The following KDM2B variants were observed in gnomAD, a reference collection of about 807,000 sequenced individuals.
The protein encoded by KDM2B is lysine-specific demethylase 2B.
KDM2B carries 26 observed loss-of-function variants against 150.0 expected under a neutral mutation model. The observed-to-expected ratio is 0.17, with a 90% CI of 0.13 to 0.24. The LOEUF (loss-of-function observed/expected upper bound fraction) is 0.24. Among genes scored for constraint, KDM2B ranks in the 10% least tolerant of loss-of-function variants. KDM2B has a pLI of 1.00. For synonymous variants in KDM2B, 734 were observed against 729.5 expected (o/e 1.01, Z -0.10); for missense variants, 1,265 against 1,816.9 (o/e 0.70, Z 5.52).
chr12:121,479,970 G>C (rs560912066), intron 12 of KDM2B, among the ~76,000 whole-genome samples: 26 of 152,172 alleles, frequency 1.7e-4, no homozygotes, highest in Admixed American at 1.4e-3. Context: ...CCTGCCTAGA[G>C]TGCAATGGTG....
chr12:121,535,104 C>G (rs1169661818), intron 6 of KDM2B, among the ~76,000 whole-genome samples: 1 of 152,016 alleles, frequency 6.6e-6, no homozygotes, highest in African/African-American at 2.4e-5. Flanking sequence ...AGGTCCAGCC[C>G]CGAGCCAGCT....
At chr12:121,460,070 G>A (rs1466562809) in intron 12 of KDM2B, among the ~76,000 whole-genome samples, 1 of 152,178 alleles carries the variant, frequency 6.6e-6, no homozygotes, top group African/African-American at 2.4e-5. Flanking sequence ...ATGAAAAGAT[G>A]CTTAACATCA....
Position 121,534,481 on chromosome 12 carries a change from G to T in KDM2B, c.777+16C>A. On this transcript the variant is annotated intron_variant, in intron 7 of 22. Coordinates refer to ENST00000377071, the MANE Select transcript of KDM2B (RefSeq NM_032590.5). ...AGCTAGAGATGCATAGAAAGTTAAAGGCAACTGAAACTCACCTTCCCACCC... is the reference window on the plus strand; with the variant it reads ...AGCTAGAGATGCATAGAAAGTTAAATGCAACTGAAACTCACCTTCCCACCC... The T allele has an allele frequency of 6.3e-7, 1 of 1,598,694 alleles. No individual in the cohort carries two copies. The highest frequency in any genetic ancestry group is 8.6e-7 in the Non-Finnish European group (1 of 1,166,110).
chr12:121,559,307 C>T (rs1309369769), intron 4 of KDM2B, among the ~76,000 whole-genome samples: 2 of 151,822 alleles, frequency 1.3e-5, no homozygotes, highest in Admixed American at 6.6e-5. Context: ...GAGCAGCTCC[C>T]CAGGTGTCCT....
chr12:121,579,023 T>C (rs782307108), intron 1 of KDM2B, 77 bp from the exon 2 acceptor site: 2 of 1,484,150 alleles, frequency 1.3e-6, no homozygotes, highest in Admixed American at 1.9e-5. Flanking sequence ...GGCCCAGCAC[T>C]AACAGGTGCA....
At chr12:121,466,333 G>A (rs1446115902) in intron 12 of KDM2B, among the ~76,000 whole-genome samples, 1 of 152,226 alleles carries the variant, frequency 6.6e-6, no homozygotes, top group Non-Finnish European at 1.5e-5. Context: ...ATTATACTTC[G>A]TAAAACCTCA....
At chr12:121,434,989 T>TA (rs1873736918) in intron 22 of KDM2B, among the ~76,000 whole-genome samples, 1 of 147,528 alleles carries the variant, frequency 6.8e-6, no homozygotes, top group South Asian at 2.1e-4. Flanking sequence ...TTCATGACAT[T>TA]AGACTTTGCA....
intron 12 of KDM2B, among the ~76,000 whole-genome samples, chr12:121,474,942 C>G (rs75480022): frequency 0.017 from 2,660 of 152,120 alleles, 57 homozygotes; most frequent in East Asian, 0.13. Context: ...GGAGACAGAG[C>G]GAGACTCTGT....
At chr12:121,509,483 G>T (rs529606880) in intron 11 of KDM2B, 84 bp downstream of exon 11, 1 of 1,546,230 alleles carries the variant, frequency 6.5e-7, no homozygotes, top group East Asian at 2.3e-5. Context: ...CAGAGCCATC[G>T]TGAGCTGAGC....
intron 8 of KDM2B, among the ~76,000 whole-genome samples, chr12:121,522,146 CTTGT>C (rs1319326198): frequency 6.6e-6 from 1 of 151,972 alleles, no homozygotes; most frequent in African/African-American, 2.4e-5. Flanking sequence ...GAGGGCCCAC[CTTGT>C]GCCAGGCACA....
the KDM2B span, among the ~76,000 whole-genome samples, chr12:121,413,509 T>A: frequency 6.7e-6 from 1 of 149,782 alleles, no homozygotes; most frequent in Non-Finnish European, 1.5e-5. Context: ...CCTCCTGGGT[T>A]CAAGCGATTC....
In KDM2B at chr12:121,442,603, C is replaced by G. The variant is rs557677821; in HGVS notation, c.2838G>C (p.Leu946=). Residue 946 remains leucine, a synonymous_variant, in exon 19 of 23, where the codon CTG becomes CTC. Coordinates refer to ENST00000377071, the MANE Select transcript of KDM2B (RefSeq NM_032590.5). The surrounding 1 kb of genome is among the most constrained non-coding windows in gnomAD (Gnocchi z 7.7). ...TGAGCTCCTTGCTCAGCTCCCTGCTCAGCTCCTTGTTGGGAAGCCGCCGCT... is the reference window on the plus strand; with the variant it reads ...TGAGCTCCTTGCTCAGCTCCCTGCTGAGCTCCTTGTTGGGAAGCCGCCGCT... ...RRKRRLPNKE[L]SRELSKELNH... The G allele has an allele frequency of 1.2e-6, 2 of 1,602,190 alleles. No homozygotes were observed. The highest frequency in any genetic ancestry group is 1.1e-5 in the South Asian group (1 of 90,988).
chr12:121,512,515 C>G (rs113818722), intron 10 of KDM2B, among the ~76,000 whole-genome samples: 4,938 of 152,038 alleles, frequency 0.032, 264 homozygotes, highest in African/African-American at 0.11. Flanking sequence ...CTTTCTATCC[C>G]CTGGTTAAAA....
In KDM2B at chr12:121,457,219, T is replaced by C. The variant is rs571200812; in HGVS notation, c.1735-3875A>G. Among the ~76,000 whole-genome samples, 6 of 152,356 alleles carry C rather than the reference T, an allele frequency of 3.9e-5. No individual in the cohort carries two copies. The East Asian group carries it at 9.6e-4, about 24-fold the overall frequency. ...CAGCTTTCTCTGTCCTGATATCTTT[T>C]GGGTGCTACCCAAAGTTTCAAACGC... On this transcript the variant is annotated intron_variant, in intron 12 of 22. Coordinates refer to ENST00000377071, the MANE Select transcript of KDM2B (RefSeq NM_032590.5).
At chr12:121,562,251 G>A (rs1383852160) in intron 4 of KDM2B, among the ~76,000 whole-genome samples, 3 of 151,634 alleles carry the variant, frequency 2.0e-5, no homozygotes, top group African/African-American at 7.3e-5. Context: ...GGGAGGCCAA[G>A]GCGAACAGAT....
chr12:121,420,682 C>G, the KDM2B span: 1 of 1,613,938 alleles, frequency 6.2e-7, no homozygotes, highest in Admixed American at 1.7e-5. Flanking sequence ...AATTCTGGCT[C>G]GGAATTTTGT....
At chr12:121,451,637 C>T (rs1027416203) in intron 13 of KDM2B, among the ~76,000 whole-genome samples, 10 of 152,220 alleles carry the variant, frequency 6.6e-5, no homozygotes, top group South Asian at 6.2e-4. Context: ...TTGAGCCAGG[C>T]GTGGTGGCTC....
chr12:121,444,788 G>T, intron 14 of KDM2B: 1 of 559,518 alleles, frequency 1.8e-6, no homozygotes, highest in Admixed American at 3.1e-5. Flanking sequence ...CGTCTCTGTG[G>T]GCTGGTGCCC....
At chr12:121,465,113 A>G (rs185146717) in intron 12 of KDM2B, among the ~76,000 whole-genome samples, 178 of 152,322 alleles carry the variant, frequency 1.2e-3, no homozygotes, top group African/African-American at 4.1e-3. Context: ...AAAGTTAACA[A>G]TACAACCTCA....
Sources: allele counts gnomAD v4.1 joint callset (sites outside exome capture counted in the v4.1 genomes callset), GRCh38; gene constraint gnomAD v4.1.1; non-coding constraint Gnocchi (gnomAD v3.1); transcripts MANE v1.5; gene names NCBI Gene and HGNC (gene_info 2026-07-23, HGNC 2026-07-21).